PUM1: variants seen among roughly 807,000 people sequenced by gnomAD.
PUM1 encodes the protein pumilio RNA binding family member 1.
A neutral mutation model predicts 131.8 loss-of-function variants in PUM1; 13 were observed. The observed-to-expected ratio is 0.10, with a 90% CI of 0.06 to 0.16. The LOEUF is 0.16. Among genes scored for constraint, PUM1 ranks in the 10% least tolerant of loss-of-function variants. The pLI is 1.00. For missense variants in PUM1, 961 were observed against 1,512.4 expected, an observed-to-expected ratio of 0.64 and a Z score of 6.05; for synonymous variants, 509 against 556.5, an observed-to-expected ratio of 0.91 and a Z score of 1.20.
At chr1:30,995,813 C>G (rs780728932) in intron 5 of PUM1, among the ~76,000 whole-genome samples, 2 of 152,160 alleles carry the variant, frequency 1.3e-5, no homozygotes, top group Non-Finnish European at 2.9e-5. Flanking sequence ...CAGCTCTACC[C>G]TATAAGCCTC....
intron 3 of PUM1, among the ~76,000 whole-genome samples, chr1:31,021,240 T>C (rs1364159715): frequency 6.6e-6 from 1 of 152,232 alleles, no homozygotes; most frequent in Non-Finnish European, 1.5e-5. Context: ...TGTACATATT[T>C]GCAGACAGCC....
At chr1:31,029,757 C>T (rs907239835) in intron 2 of PUM1, among the ~76,000 whole-genome samples, 1 of 151,776 alleles carries the variant, frequency 6.6e-6, no homozygotes, top group Non-Finnish European at 1.5e-5. Context: ...CCCCTCTCTA[C>T]AAAAAATATA....
At chr1:30,969,054 A>G (rs927804479) in intron 10 of PUM1, among the ~76,000 whole-genome samples, 5 of 152,222 alleles carry the variant, frequency 3.3e-5, no homozygotes, top group Non-Finnish European at 7.3e-5. Flanking sequence ...CTGTAATCCT[A>G]GCACTTTGGG....
chr1:31,007,216 TTTAA>T, intron 3 of PUM1, 114 bp from the exon 4 acceptor site: 1 of 740,862 alleles, frequency 1.3e-6, no homozygotes, highest in Non-Finnish European at 2.3e-6. Context: ...CCTGAAGGTC[TTTAA>T]TTAAAGTGTT....
intron 3 of PUM1, among the ~76,000 whole-genome samples, chr1:31,016,484 T>C (rs1341540065): frequency 6.6e-6 from 1 of 152,194 alleles, no homozygotes; most frequent in Admixed American, 6.5e-5. Flanking sequence ...TTTATATATA[T>C]GTATATATTC....
intron 3 of PUM1, among the ~76,000 whole-genome samples, chr1:31,014,738 A>G (rs1256359909): frequency 1.3e-5 from 2 of 151,698 alleles, no homozygotes; most frequent in African/African-American, 4.8e-5. Flanking sequence ...ACAGTGAGCC[A>G]AGATCGCACC....
At position 30,932,665 on chromosome 1, in the gene PUM1, A is replaced by ATTT. The variant is rs1491182036; in HGVS notation, c.*543_*545dup. The ATTT allele has an allele frequency of 1.3e-3, 91 of 70,620 alleles. 1 individual carries two copies. The highest frequency in any genetic ancestry group is 4.2e-3 in the African/African-American group (90 of 21,472). The allele number at this position is 70,620 out of a possible 1,614,324, so 4.4% of individuals were successfully genotyped here. On this transcript the variant is annotated 3_prime_UTR_variant, in exon 22 of 22. Coordinates refer to ENST00000426105, the MANE Select transcript of PUM1 (RefSeq NM_001020658.2). Reference sequence around the variant, plus strand: ...TATATATATATATATATATATATATATTTTTTATAAACAGTGTTAAATGCC... The same window carrying ATTT: ...TATATATATATATATATATATATATATTTTTTTTTATAAACAGTGTTAAATGCC...
chr1:31,005,898 C>A lies in PUM1; in HGVS notation c.675G>T (p.Val225=). The A allele has an allele frequency of 6.2e-7, 1 of 1,612,966 alleles. No individual in the cohort carries two copies. The highest frequency in any genetic ancestry group is 8.5e-7 in the Non-Finnish European group (1 of 1,179,706). Residue 225 remains valine (V), a synonymous_variant, in exon 5 of 22, where the codon GTG becomes GTT. Transcript: ENST00000426105. ...GGLGVSMVEY[V]LSSSPGDSCL... ...AGGAATCGCCCGGGGATGAGCTCAA[C>A]ACATACTCCACCATGCTAACGCCTA...
intron 10 of PUM1, among the ~76,000 whole-genome samples, chr1:30,970,568 A>T (rs1193920350): frequency 6.6e-6 from 1 of 152,226 alleles, no homozygotes; most frequent in Admixed American, 6.5e-5. Context: ...TGTAAGAGAA[A>T]GTGTGTTTCA....
intron 7 of PUM1, among the ~76,000 whole-genome samples, chr1:30,990,085 C>T (rs761949476): frequency 2.8e-4 from 42 of 152,144 alleles, no homozygotes; most frequent in African/African-American, 3.9e-4. Context: ...TTAGAAAACA[C>T]GGTAGTTCTC....
intron 2 of PUM1, among the ~76,000 whole-genome samples, chr1:31,040,864 C>G (rs1031237719): frequency 6.6e-6 from 1 of 151,910 alleles, no homozygotes; most frequent in African/African-American, 2.4e-5. Flanking sequence ...GGAAAGAAAA[C>G]GCACACACAC....
At chr1:30,955,923 A>T (rs897786172) in intron 14 of PUM1, among the ~76,000 whole-genome samples, 2 of 152,208 alleles carry the variant, frequency 1.3e-5, no homozygotes, top group African/African-American at 4.8e-5. Context: ...TTTCATATAC[A>T]CTTTCTCTGG....
intron 15 of PUM1, among the ~76,000 whole-genome samples, 189 bp from the exon 16 acceptor site, chr1:30,952,552 G>C (rs565723529): frequency 3.3e-5 from 5 of 152,120 alleles, no homozygotes; most frequent in African/African-American, 1.2e-4. Flanking sequence ...TTTTTAAATA[G>C]AGGAAGAAGG....
intron 2 of PUM1, among the ~76,000 whole-genome samples, chr1:31,057,913 T>G (rs1167402838): frequency 6.6e-6 from 1 of 152,084 alleles, no homozygotes; most frequent in African/African-American, 2.4e-5. Context: ...AATGAACCTT[T>G]CCAAATTCAA....
At chr1:31,001,225 T>G (rs1197380274) in intron 5 of PUM1, among the ~76,000 whole-genome samples, 12 of 152,062 alleles carry the variant, frequency 7.9e-5, no homozygotes, top group Middle Eastern at 3.4e-3. Context: ...ATTAGCTGGG[T>G]GTGGTGGCAC....
chr1:30,955,190 T>C (rs1640104007), intron 14 of PUM1, among the ~76,000 whole-genome samples: 1 of 151,528 alleles, frequency 6.6e-6, no homozygotes, highest in African/African-American at 2.4e-5. Flanking sequence ...GGACGGTGGC[T>C]CATGCCTGTA....
intron 8 of PUM1, 93 bp from the exon 9 acceptor site, chr1:30,980,256 T>C (rs1010143816): frequency 3.4e-5 from 33 of 978,276 alleles, no homozygotes; most frequent in East Asian, 5.1e-5. Context: ...CTCCAGACAG[T>C]AGATAAGGAA....
intron 2 of PUM1, among the ~76,000 whole-genome samples, chr1:31,058,661 T>TAA (rs11418698): frequency 1.5e-3 from 193 of 125,406 alleles, no homozygotes; most frequent in East Asian, 8.8e-3. Context: ...GACTCCGTCT[T>TAA]AAAAAAAAAA....
At chr1:31,046,176 C>T (rs999633681) in intron 2 of PUM1, among the ~76,000 whole-genome samples, 7 of 151,904 alleles carry the variant, frequency 4.6e-5, no homozygotes, top group African/African-American at 1.5e-4. Context: ...CACCTGAGGT[C>T]GGGAGGTCGA....
Sources: gnomAD v4.1 joint callset for allele counts (sites outside exome capture counted in the v4.1 genomes callset) on GRCh38, gnomAD v4.1.1 for gene constraint, MANE v1.5 for transcripts, NCBI Gene and HGNC (gene_info 2026-07-23, HGNC 2026-07-21) for gene names.